Variants in ANK2 observed in about 807,000 individuals in gnomAD.
The protein encoded by ANK2 is ankyrin-2.
Under a neutral mutation model 360.5 loss-of-function variants are expected in ANK2, and 83 were observed. The observed-to-expected ratio is 0.23, with a 90% CI of 0.19 to 0.28. ANK2 has a LOEUF of 0.28. Among genes scored for constraint, ANK2 ranks in the 10% least tolerant of loss-of-function variants. ANK2 has a pLI of 1.00. For missense variants in ANK2, 4,201 were observed against 4,795.7 expected (o/e 0.88, Z 3.66); for synonymous variants, 1,740 against 1,759.5 (o/e 0.99, Z 0.28).
intron 2 of ANK2, among the ~76,000 whole-genome samples, chr4:113,033,308 A>G (rs1258710600): frequency 6.6e-6 from 1 of 152,014 alleles, no homozygotes; most frequent in African/African-American, 2.4e-5. Context: ...CAATTCAGGA[A>G]AAGTAAGTTG....
intron 2 of ANK2, among the ~76,000 whole-genome samples, chr4:113,002,774 C>T (rs113954368): frequency 0.012 from 1,893 of 152,350 alleles, 40 homozygotes; most frequent in African/African-American, 0.042. Context: ...GGACATAAAG[C>T]TCTCTTGTGA....
At chr4:113,178,808 T>C (rs796226684) in intron 2 of ANK2, among the ~76,000 whole-genome samples, 1 of 152,156 alleles carries the variant, frequency 6.6e-6, no homozygotes, top group South Asian at 2.1e-4. Context: ...TTTACAAATG[T>C]AGAAACTGGG....
At chr4:113,256,138 A>G (rs2049192159) in intron 11 of ANK2, among the ~76,000 whole-genome samples, 1 of 152,266 alleles carries the variant, frequency 6.6e-6, no homozygotes, top group Admixed American at 6.5e-5. Flanking sequence ...TATTTAAGAG[A>G]ACACCAATGT....
At chr4:113,078,772 G>C (rs2081159273) in intron 1 of ANK2, among the ~76,000 whole-genome samples, 2 of 152,090 alleles carry the variant, frequency 1.3e-5, no homozygotes, top group Admixed American at 1.3e-4. Flanking sequence ...TAAATATTCT[G>C]AACAAAGTTT....
intron 23 of ANK2, among the ~76,000 whole-genome samples, chr4:113,305,147 C>T (rs897305217): frequency 6.6e-6 from 1 of 150,796 alleles, no homozygotes; most frequent in African/African-American, 2.4e-5. Context: ...GAGACCATCC[C>T]GGCTAAAACG....
chr4:113,365,272 T>G (rs1355008781), intron 41 of ANK2, 90 bp downstream of exon 41: 1 of 1,397,706 alleles, frequency 7.2e-7, no homozygotes, highest in Non-Finnish European at 9.7e-7. Context: ...GGACCTACTG[T>G]CTTTTTTTTT....
At chr4:112,858,691 A>T (rs558949305) in intron 1 of ANK2, among the ~76,000 whole-genome samples, 71 of 152,358 alleles carry the variant, frequency 4.7e-4, no homozygotes, top group Non-Finnish European at 8.8e-4. Flanking sequence ...ATCTTTGAGG[A>T]CAAAGATCAG....
chr4:112,732,209 T>C, the ANK2 span, among the ~76,000 whole-genome samples: 1 of 152,066 alleles, frequency 6.6e-6, no homozygotes, highest in East Asian at 1.9e-4. Flanking sequence ...ACCATTATTA[T>C]TCCTATTTTA....
chr4:112,726,490 AC>A, the ANK2 span, among the ~76,000 whole-genome samples: 1 of 150,502 alleles, frequency 6.6e-6, no homozygotes, highest in Non-Finnish European at 1.5e-5. Flanking sequence ...TCTTCTTCCC[AC>A]CCCCACCTTG....
intron 2 of ANK2, among the ~76,000 whole-genome samples, chr4:113,192,702 A>G (rs1283275480): frequency 6.6e-6 from 1 of 152,140 alleles, no homozygotes; most frequent in Non-Finnish European, 1.5e-5. Context: ...AATATGCTGT[A>G]ATATAATATA....
At chr4:112,933,272 A>G (rs1366031131) in intron 2 of ANK2, among the ~76,000 whole-genome samples, 3 of 152,206 alleles carry the variant, frequency 2.0e-5, no homozygotes, top group African/African-American at 7.2e-5. Flanking sequence ...AAATCTAAGG[A>G]ATGGAAATAT....
chr4:113,275,057 C>T (rs998001247), intron 15 of ANK2, among the ~76,000 whole-genome samples: 9 of 152,118 alleles, frequency 5.9e-5, no homozygotes, highest in African/African-American at 2.2e-4. Flanking sequence ...AGTTATAGTA[C>T]CAGATCGAAG....
At chr4:113,104,260 T>C (rs1473353904) in intron 1 of ANK2, among the ~76,000 whole-genome samples, 1 of 151,904 alleles carries the variant, frequency 6.6e-6, no homozygotes, top group Admixed American at 6.6e-5. Flanking sequence ...GATGGAGACG[T>C]GGTAGGAAGT....
the ANK2 span, among the ~76,000 whole-genome samples, chr4:112,711,929 T>C: frequency 1.3e-5 from 2 of 150,624 alleles, no homozygotes; most frequent in Admixed American, 6.6e-5. Context: ...TCCTCTTGCC[T>C]TAGCTACTCG....
At chr4:112,986,995 A>T (rs2045109977) in intron 2 of ANK2, among the ~76,000 whole-genome samples, 1 of 152,194 alleles carries the variant, frequency 6.6e-6, no homozygotes, top group African/African-American at 2.4e-5. Flanking sequence ...ATTGTCTTGG[A>T]CCACACATAA....
chr4:113,101,054 G>T (rs145865083), intron 1 of ANK2, among the ~76,000 whole-genome samples: 1 of 152,036 alleles, frequency 6.6e-6, no homozygotes, highest in Non-Finnish European at 1.5e-5. Context: ...GTAATGCTGT[G>T]TGATCCTGGA....
chr4:113,157,031 A>G lies in ANK2; in HGVS notation c.85-17385A>G, dbSNP rs187625636. Among the ~76,000 whole-genome samples the G allele has an allele frequency of 2.2e-3, 333 of 152,168 alleles. 2 individuals are homozygous for G. Among genetic ancestry groups the G allele is most frequent in the African/African-American group, 7.7e-3 (321 of 41,566 alleles). On this transcript the variant is annotated intron_variant, in intron 1 of 45. Transcript: ENST00000357077. ...TTTGTAGTTTTATACAAATACTTTT[A>G]TGAAATAAGTATTTCTATGTTTCTT...
At chr4:112,802,916 AT>A in the ANK2 span, among the ~76,000 whole-genome samples, 1 of 152,222 alleles carries the variant, frequency 6.6e-6, no homozygotes, top group Non-Finnish European at 1.5e-5. Context: ...TGTAGCAAGC[AT>A]CCAACATTAC....
intron 2 of ANK2, among the ~76,000 whole-genome samples, chr4:112,959,466 A>T (rs2033501391): frequency 6.6e-6 from 1 of 152,172 alleles, no homozygotes; most frequent in Non-Finnish European, 1.5e-5. Flanking sequence ...AAAATTTGTG[A>T]TGCTTTAATC....
Sources: gnomAD v4.1 joint callset for allele counts (sites outside exome capture counted in the v4.1 genomes callset) on GRCh38, gnomAD v4.1.1 for gene constraint, MANE v1.5 for transcripts, NCBI Gene and HGNC (gene_info 2026-07-23, HGNC 2026-07-21) for gene names.